MYOCD: variants seen among roughly 807,000 people sequenced by gnomAD.
The protein encoded by MYOCD is myocardin.
MYOCD carries 32 observed loss-of-function variants against 96.1 expected under a neutral mutation model. That is an observed-to-expected ratio of 0.33 (90% CI 0.25 to 0.45). The LOEUF (loss-of-function observed/expected upper bound fraction) is 0.45. Ranked by LOEUF, MYOCD falls within the 20% of genes least tolerant of loss-of-function variation. The probability of loss-of-function intolerance (pLI) is 1.00; values close to 1 mark genes in which losing one functional copy is unlikely to be tolerated. For missense variants in MYOCD, 1,133 were observed against 1,200.6 expected, an observed-to-expected ratio of 0.94 and a Z score of 0.83; for synonymous variants, 469 against 469.0, an observed-to-expected ratio of 1.00 and a Z score of 0.00.
rs966278465 is a variant in MYOCD at position 12,715,676 on chromosome 17, A to T, written c.177+102A>T. 4 of 890,042 alleles carry T rather than the reference A, an allele frequency of 4.5e-6. No individual in the cohort carries two copies. The South Asian group carries it at 4.9e-5, about 11-fold the overall frequency. The allele number at this position is 890,042 out of a possible 1,614,324, so 55.1% of individuals were successfully genotyped here. A position where few individuals can be genotyped will look rare whatever the true frequency, so the allele number is the denominator to read the frequency against. On this transcript the variant is annotated intron_variant, in intron 3 of 13. Coordinates refer to ENST00000425538, the MANE Select transcript of MYOCD (RefSeq NM_001146312.3). The stretch of plus-strand genomic sequence containing the variant: ...GTGTAGAATTCCTACAACAAACACA[A>T]TCAATTTGCCAGTCCCCTGCCCTCA...
intron 7 of MYOCD, 125 bp downstream of exon 7, chr17:12,739,453 T>G: frequency 7.5e-5 from 85 of 1,134,216 alleles, no homozygotes; most frequent in Non-Finnish European, 9.0e-5. Context: ...AGGCAGAGGT[T>G]CAGCTCACTA....
At chr17:12,751,010 G>A (rs1467811999) in intron 9 of MYOCD, among the ~76,000 whole-genome samples, 3 of 151,796 alleles carry the variant, frequency 2.0e-5, no homozygotes, top group Admixed American at 6.6e-5. Context: ...TTGTATTTGC[G>A]CTTTGTAGTT....
At chr17:12,731,471 A>G (rs1661873535) in intron 5 of MYOCD, among the ~76,000 whole-genome samples, 2 of 152,146 alleles carry the variant, frequency 1.3e-5, no homozygotes, top group Admixed American at 6.5e-5. Context: ...TTTATTTTTG[A>G]TGATGTTAAA....
intron 1 of MYOCD, among the ~76,000 whole-genome samples, chr17:12,676,253 A>G (rs879877631): frequency 0.13 from 9,030 of 67,332 alleles, 364 homozygotes; most frequent in Middle Eastern, 0.23. Context: ...ACGCACACAC[A>G]CACACACACA....
chr17:12,713,878 G>A (rs2031555695), intron 2 of MYOCD, among the ~76,000 whole-genome samples: 1 of 152,118 alleles, frequency 6.6e-6, no homozygotes, highest in Admixed American at 6.5e-5. Context: ...GGGAGAAATG[G>A]GAGAAAAGGG....
intron 9 of MYOCD, among the ~76,000 whole-genome samples, chr17:12,748,692 A>T (rs774252756): frequency 6.6e-6 from 1 of 152,182 alleles, no homozygotes; most frequent in African/African-American, 2.4e-5. Context: ...TTATTTAATA[A>T]TGTAGTTAAA....
intron 9 of MYOCD, among the ~76,000 whole-genome samples, chr17:12,750,178 A>T: frequency 6.6e-6 from 1 of 152,024 alleles, no homozygotes; most frequent in Admixed American, 6.6e-5. Flanking sequence ...GTGAACATTT[A>T]TGTGTCTGTT....
chr17:12,686,915 G>A (rs1391423004), intron 1 of MYOCD, among the ~76,000 whole-genome samples: 1 of 152,190 alleles, frequency 6.6e-6, no homozygotes, highest in African/African-American at 2.4e-5. Flanking sequence ...GACCCAGATG[G>A]GTTGGGAGAA....
intron 4 of MYOCD, among the ~76,000 whole-genome samples, chr17:12,719,149 G>A (rs955608273): frequency 1.5e-5 from 2 of 133,214 alleles, no homozygotes; most frequent in Non-Finnish European, 3.1e-5. Flanking sequence ...CACTCCAGCC[G>A]GGGCCACAGA....
At position 12,666,215 on chromosome 17, in the gene MYOCD, C is replaced by G; in HGVS notation, c.27C>G (p.Ser9=). The G allele has an allele frequency of 6.2e-7, 1 of 1,613,854 alleles. No homozygotes were observed. The part of the protein sequence containing the change: MTLLGSEH[S]LLIRSKFRSV... ...TGACACTCCTGGGGTCTGAGCATTC[C>G]TTGCTGATTAGGAGCAAGTTCAGAT... Residue 9 remains serine (S), a synonymous_variant, in exon 1 of 14, where the codon TCC becomes TCG. Coordinates refer to ENST00000425538, the MANE Select transcript of MYOCD (RefSeq NM_001146312.3).
chr17:12,686,035 T>C (rs1217970631), intron 1 of MYOCD, among the ~76,000 whole-genome samples: 1 of 152,194 alleles, frequency 6.6e-6, no homozygotes, highest in African/African-American at 2.4e-5. Flanking sequence ...ACCCTTAACC[T>C]CTTAGATCCC....
intron 1 of MYOCD, among the ~76,000 whole-genome samples, chr17:12,695,188 C>T (rs372617690): frequency 1.3e-5 from 2 of 152,134 alleles, no homozygotes; most frequent in Admixed American, 6.5e-5. Context: ...TATTTCTCAC[C>T]GTTCCAGAGG....
In MYOCD at chr17:12,716,985, C is replaced by CA. The variant is rs56992216; in HGVS notation, c.178-326dup. ...AGCCTGGATGACAGAGATGCTGTCT[C>CA]AAAAAAAAAAAAAAAAAAAAAAAAA... On this transcript the variant is annotated intron_variant, in intron 3 of 13. Transcript: ENST00000425538. Among the ~76,000 whole-genome samples the CA allele has an allele frequency of 6.2e-3, 693 of 112,524 alleles. 12 individuals carry two copies. Among genetic ancestry groups the CA allele is most frequent in the Non-Finnish European group, 8.2e-3 (485 of 59,068 alleles). 73.8% of individuals were successfully genotyped at this position (112,524 alleles called of 152,430 possible).
chr17:12,710,624 G>A (rs1484489740), intron 2 of MYOCD: 4 of 448,720 alleles, frequency 8.9e-6, no homozygotes, highest in East Asian at 1.6e-4. Context: ...GCAGCTTCAC[G>A]ATAGTTTTGA....
intron 12 of MYOCD, 73 bp from the exon 13 acceptor site, chr17:12,760,577 C>A: frequency 1.6e-6 from 2 of 1,269,052 alleles, no homozygotes; most frequent in Non-Finnish European, 2.3e-6. Context: ...TCTTGCAGTG[C>A]TGCTTCTAAT....
chr17:12,723,278 C>T lies in MYOCD; in HGVS notation c.415+270C>T, dbSNP rs188117475. On this transcript the variant is annotated intron_variant, in intron 5 of 13. Transcript: ENST00000425538. ...ACCTGACCAGGTGTAATGCTCAAAACATCTCCCCTATAAGACATCCATTAC... is the reference window on the plus strand; with the variant it reads ...ACCTGACCAGGTGTAATGCTCAAAATATCTCCCCTATAAGACATCCATTAC... 1.4e-4 allele frequency among the ~76,000 whole-genome samples: 22 copies of T among 152,304 alleles called. No individual in the cohort carries two copies. In the South Asian group the frequency reaches 3.5e-3, roughly 24 times the overall value.
intron 8 of MYOCD, among the ~76,000 whole-genome samples, chr17:12,745,606 C>A (rs911223164): frequency 2.6e-5 from 4 of 152,176 alleles, no homozygotes; most frequent in Non-Finnish European, 4.4e-5. Flanking sequence ...TTATGCTGAG[C>A]ACTAAACGCA....
chr17:12,746,267 G>T (rs565699476), intron 9 of MYOCD, among the ~76,000 whole-genome samples, 195 bp downstream of exon 9: 6 of 152,094 alleles, frequency 3.9e-5, no homozygotes, highest in African/African-American at 1.2e-4. Context: ...TTATGCAGCC[G>T]TAACAGGATA....
At chr17:12,742,057 C>T (rs1355407667) in intron 7 of MYOCD, among the ~76,000 whole-genome samples, 1 of 152,060 alleles carries the variant, frequency 6.6e-6, no homozygotes, top group Admixed American at 6.6e-5. Context: ...CGGGACCCTG[C>T]CAGGGCTGCA....
Sources: gnomAD v4.1 joint callset for allele counts (sites outside exome capture counted in the v4.1 genomes callset) on GRCh38, gnomAD v4.1.1 for gene constraint, MANE v1.5 for transcripts, NCBI Gene and HGNC (gene_info 2026-07-23, HGNC 2026-07-21) for gene names.